ZPBP: variants seen among roughly 807,000 people sequenced by gnomAD.
ZPBP encodes zona pellucida-binding protein 1.
A neutral mutation model predicts 44.8 loss-of-function variants in ZPBP; 26 were observed. That is an observed-to-expected ratio of 0.58 (90% CI 0.43 to 0.81). The LOEUF (loss-of-function observed/expected upper bound fraction) is 0.81. Among genes scored for constraint, ZPBP ranks in the 30% least tolerant of loss-of-function variants. The probability of loss-of-function intolerance (pLI) is 0.00; values close to 1 mark genes in which losing one functional copy is unlikely to be tolerated. For synonymous variants in ZPBP, 174 were observed against 153.2 expected, an observed-to-expected ratio of 1.14 and a Z score of -1.00; for missense variants, 409 against 434.0, an observed-to-expected ratio of 0.94 and a Z score of 0.51.
At chr7:49,938,938 G>A (rs759417587) in intron 7 of ZPBP, among the ~76,000 whole-genome samples, 1 of 151,910 alleles carries the variant, frequency 6.6e-6, no homozygotes, top group Non-Finnish European at 1.5e-5. Flanking sequence ...ATTTTTTAGA[G>A]GAAATATTTG....
intron 3 of ZPBP, among the ~76,000 whole-genome samples, chr7:50,063,336 G>T (rs1801341613): frequency 6.6e-6 from 1 of 151,958 alleles, no homozygotes; most frequent in Non-Finnish European, 1.5e-5. Context: ...TCCCCCATTT[G>T]GTGCTTTTTA....
chr7:49,962,046 G>A (rs769287415), intron 7 of ZPBP, among the ~76,000 whole-genome samples: 7 of 151,890 alleles, frequency 4.6e-5, no homozygotes, highest in Non-Finnish European at 7.4e-5. Context: ...ATAAACATCC[G>A]TTGACAGCTT....
chr7:50,085,246 T>A (rs1279570897), intron 2 of ZPBP, among the ~76,000 whole-genome samples: 1 of 152,120 alleles, frequency 6.6e-6, no homozygotes, highest in Non-Finnish European at 1.5e-5. Context: ...ACAGATTCTT[T>A]CTTCAAAGTC....
intron 2 of ZPBP, among the ~76,000 whole-genome samples, chr7:49,893,718 A>G (rs549898908): frequency 1.3e-5 from 2 of 152,260 alleles, no homozygotes; most frequent in African/African-American, 4.8e-5. Flanking sequence ...TCGAAATACA[A>G]TAGATGTTGA....
chr7:50,063,062 C>T (rs1362343930), intron 3 of ZPBP, among the ~76,000 whole-genome samples: 1 of 152,152 alleles, frequency 6.6e-6, no homozygotes, highest in Non-Finnish European at 1.5e-5. Flanking sequence ...TTGAGACATG[C>T]ATTACATCAT....
chr7:49,913,303 C>T (rs1793553766), intron 1 of ZPBP: 1 of 152,212 alleles, frequency 6.6e-6, no homozygotes, highest in Admixed American at 6.5e-5. Flanking sequence ...TCCAAACCAA[C>T]TTCTTTTCTC....
chr7:50,077,345 C>A (rs2128848340), intron 3 of ZPBP, among the ~76,000 whole-genome samples: 1 of 151,650 alleles, frequency 6.6e-6, no homozygotes, highest in African/African-American at 2.4e-5. Flanking sequence ...GAAAAGACTT[C>A]TTGAGCAATA....
intron 2 of ZPBP, among the ~76,000 whole-genome samples, chr7:49,883,108 A>G (rs1353803916): frequency 1.3e-5 from 2 of 152,082 alleles, no homozygotes; most frequent in Non-Finnish European, 2.9e-5. Context: ...AGATTTCCCA[A>G]AAGAAACAAC....
At chr7:50,000,382 G>C (rs1798039870) in intron 6 of ZPBP, among the ~76,000 whole-genome samples, 1 of 152,090 alleles carries the variant, frequency 6.6e-6, no homozygotes, top group South Asian at 2.1e-4. Context: ...TTTAATACTT[G>C]ATGAATAAAG....
intron 3 of ZPBP, among the ~76,000 whole-genome samples, chr7:50,062,027 A>G (rs1316281285): frequency 6.6e-5 from 10 of 152,248 alleles, no homozygotes; most frequent in East Asian, 3.8e-4. Flanking sequence ...CTATTCACCA[A>G]TAATATCCAA....
chr7:49,963,073 G>C (rs1795920995), intron 7 of ZPBP, among the ~76,000 whole-genome samples: 1 of 151,498 alleles, frequency 6.6e-6, no homozygotes, highest in Non-Finnish European at 1.5e-5. Flanking sequence ...ACAGTTCAGA[G>C]AAGAATATAT....
chr7:50,083,140 C>T (rs917966030), intron 2 of ZPBP, among the ~76,000 whole-genome samples: 1 of 151,798 alleles, frequency 6.6e-6, no homozygotes, highest in Non-Finnish European at 1.5e-5. Context: ...CCCTTCCTCT[C>T]GCCCCCACTA....
intron 2 of ZPBP, among the ~76,000 whole-genome samples, chr7:50,083,209 G>C (rs908833655): frequency 6.6e-6 from 1 of 151,644 alleles, no homozygotes; most frequent in African/African-American, 2.4e-5. Flanking sequence ...CCCAATGCAA[G>C]ATCAACATAC....
chr7:49,957,522 G>GC (rs1313635805), intron 7 of ZPBP, among the ~76,000 whole-genome samples: 8 of 152,146 alleles, frequency 5.3e-5, no homozygotes, highest in Non-Finnish European at 1.0e-4. Flanking sequence ...GCTGAAGGAG[G>GC]CCCCAGACAG....
the ZPBP span, among the ~76,000 whole-genome samples, chr7:49,841,872 CT>C: frequency 6.5e-4 from 96 of 146,632 alleles, no homozygotes; most frequent in South Asian, 2.8e-3. Context: ...AAATTCAACT[CT>C]TTTTTTTTTT....
intron 4 of ZPBP, among the ~76,000 whole-genome samples, chr7:50,053,400 A>C (rs1273518426): frequency 6.6e-6 from 1 of 152,198 alleles, no homozygotes; most frequent in East Asian, 1.9e-4. Context: ...TATGTAACTG[A>C]AAATGGTTTA....
intron 4 of ZPBP, among the ~76,000 whole-genome samples, chr7:50,054,790 C>T (rs1016442036): frequency 2.6e-5 from 4 of 151,986 alleles, no homozygotes; most frequent in Admixed American, 6.6e-5. Flanking sequence ...ATACAGAATG[C>T]AATGCATTTG....
chr7:49,845,788 A>G (rs1231480557), downstream of ZPBP, among the ~76,000 whole-genome samples: 2 of 152,366 alleles, frequency 1.3e-5, no homozygotes, highest in African/African-American at 2.4e-5. Flanking sequence ...CCCTGTCTCT[A>G]TGGCCACAGA....
intron 2 of ZPBP, among the ~76,000 whole-genome samples, chr7:49,875,094 G>A (rs770396326): frequency 1.3e-5 from 2 of 151,870 alleles, no homozygotes; most frequent in African/African-American, 4.8e-5. Context: ...AAAATTGGCC[G>A]GGCACGGTGG....
Sources: allele counts gnomAD v4.1 joint callset (sites outside exome capture counted in the v4.1 genomes callset), GRCh38; gene constraint gnomAD v4.1.1; transcripts MANE v1.5; gene names NCBI Gene and HGNC (gene_info 2026-07-23, HGNC 2026-07-21).